Variants in SCFD2 observed in about 807,000 individuals in gnomAD.
SCFD2 encodes sec1 family domain containing 2, also known as sec1 family domain-containing protein 2.
SCFD2 carries 54 observed loss-of-function variants against 58.9 expected under a neutral mutation model. The ratio of observed to expected loss-of-function variants is 0.92; its 90% CI spans 0.74 to 1.15. The LOEUF (loss-of-function observed/expected upper bound fraction) is 1.15, where lower values mean the gene tolerates loss of function less well. Ranked by LOEUF, SCFD2 falls within the 50% of genes most tolerant of loss-of-function variation. The pLI, the probability that SCFD2 is intolerant of heterozygous loss-of-function variation, is 0.00. For missense variants in SCFD2, 805 were observed against 836.6 expected (o/e 0.96, Z 0.47); for synonymous variants, 321 against 335.9 (o/e 0.96, Z 0.49).
At chr4:53,146,093 TA>T (rs1425378866) in intron 4 of SCFD2, among the ~76,000 whole-genome samples, 5 of 152,204 alleles carry the variant, frequency 3.3e-5, no homozygotes, top group Admixed American at 2.6e-4. Context: ...CACTTTCTGC[TA>T]AATCTGATGA....
At chr4:52,879,092 G>A (rs1028835881) in intron 8 of SCFD2, among the ~76,000 whole-genome samples, 4 of 151,892 alleles carry the variant, frequency 2.6e-5, no homozygotes, top group Non-Finnish European at 4.4e-5. Context: ...ACTTTACTCC[G>A]ACCCATCAAC....
intron 5 of SCFD2, among the ~76,000 whole-genome samples, chr4:53,136,732 T>A (rs533116783): frequency 5.3e-5 from 8 of 152,050 alleles, no homozygotes; most frequent in Non-Finnish European, 8.8e-5. Flanking sequence ...CTACTAAGAG[T>A]CAGAGTCAAA....
At chr4:53,074,623 T>A (rs921191842) in intron 5 of SCFD2, among the ~76,000 whole-genome samples, 5 of 152,218 alleles carry the variant, frequency 3.3e-5, no homozygotes, top group Admixed American at 3.3e-4. Flanking sequence ...ACAGAATGGA[T>A]GCTGTGTTAG....
chr4:53,253,554 T>G (rs1015282839), intron 4 of SCFD2, among the ~76,000 whole-genome samples: 3 of 152,050 alleles, frequency 2.0e-5, no homozygotes, highest in South Asian at 2.1e-4. Context: ...GAATACTATG[T>G]AGCCATAAAA....
intron 5 of SCFD2, among the ~76,000 whole-genome samples, chr4:53,013,235 T>C (rs28404612): frequency 0.21 from 31,213 of 152,206 alleles, 6,158 homozygotes; most frequent in African/African-American, 0.51. Context: ...TCTCATCAAA[T>C]CATTAGCTGA....
chr4:53,258,572 A>ATATATG (rs1730729708), intron 4 of SCFD2, among the ~76,000 whole-genome samples: 1 of 142,936 alleles, frequency 7.0e-6, no homozygotes, highest in East Asian at 2.1e-4. Context: ...ATATATATAT[A>ATATATG]TATATACACA....
At chr4:53,015,944 C>A (rs73250923) in intron 5 of SCFD2, among the ~76,000 whole-genome samples, 12,401 of 152,150 alleles carry the variant, frequency 0.082, 610 homozygotes, top group Middle Eastern at 0.16. Context: ...GATGTTTGTC[C>A]TGTACAAAGT....
At chr4:53,153,658 G>C (rs1318658054) in intron 4 of SCFD2, among the ~76,000 whole-genome samples, 1 of 152,156 alleles carries the variant, frequency 6.6e-6, no homozygotes, top group Non-Finnish European at 1.5e-5. Context: ...GTAAGTTGTT[G>C]CTCCACAGTC....
rs1300651243 is a variant in SCFD2, at chr4:53,032,645, CA to C, written c.1562-111776del. Among the ~76,000 whole-genome samples, 22 of 151,718 alleles carry C rather than the reference CA, an allele frequency of 1.5e-4. No individual in the cohort carries two copies. The East Asian group carries it at 1.6e-3, about 11-fold the overall frequency. ...AACAAAAACAAAAACAAACAAAAAA[CA>C]AAAAACAGGGGTTGCAATCCTAATC... On this transcript the variant is annotated intron_variant, in intron 5 of 8. Transcript: ENST00000401642.
intron 5 of SCFD2, among the ~76,000 whole-genome samples, chr4:53,014,163 G>A (rs939436649): frequency 6.6e-6 from 1 of 152,222 alleles, no homozygotes; most frequent in African/African-American, 2.4e-5. Flanking sequence ...TGATGTGGAA[G>A]TGCAGAGTGC....
At chr4:53,250,424 T>A (rs895338181) in intron 4 of SCFD2, among the ~76,000 whole-genome samples, 4 of 152,262 alleles carry the variant, frequency 2.6e-5, no homozygotes, top group African/African-American at 9.6e-5. Flanking sequence ...TACCCAGGAA[T>A]TGAACTCAGC....
intron 8 of SCFD2, among the ~76,000 whole-genome samples, chr4:52,877,778 T>C (rs547546137): frequency 6.6e-6 from 1 of 152,270 alleles, no homozygotes. Flanking sequence ...TGACCCCAAG[T>C]GTGAATCTGA....
At chr4:53,223,814 C>T (rs1376983518) in intron 4 of SCFD2, among the ~76,000 whole-genome samples, 1 of 152,190 alleles carries the variant, frequency 6.6e-6, no homozygotes, top group Non-Finnish European at 1.5e-5. Flanking sequence ...ACAATGTTAA[C>T]TACTTTATGC....
intron 4 of SCFD2, among the ~76,000 whole-genome samples, chr4:53,155,841 A>G (rs994272852): frequency 5.9e-5 from 9 of 152,242 alleles, no homozygotes; most frequent in African/African-American, 1.9e-4. Flanking sequence ...CTGAGATCCC[A>G]GAGATTCTGT....
chr4:52,915,455 T>A (rs1245516238), intron 6 of SCFD2, among the ~76,000 whole-genome samples: 1 of 152,240 alleles, frequency 6.6e-6, no homozygotes, highest in African/African-American at 2.4e-5. Context: ...AAATTGCTCA[T>A]GGCTTTGACT....
intron 2 of SCFD2, among the ~76,000 whole-genome samples, chr4:53,323,768 T>C (rs745801848): frequency 3.4e-4 from 52 of 152,088 alleles, no homozygotes; most frequent in Non-Finnish European, 6.3e-4. Context: ...TGTGTGTGTA[T>C]GTGTGTGTAT....
At chr4:53,258,432 C>G (rs527458863) in intron 4 of SCFD2, among the ~76,000 whole-genome samples, 1 of 151,536 alleles carries the variant, frequency 6.6e-6, no homozygotes, top group Admixed American at 6.6e-5. Context: ...GTTTTCCATT[C>G]CTGAGTTACT....
chr4:53,244,305 G>A (rs1453494022), intron 4 of SCFD2, among the ~76,000 whole-genome samples: 1 of 151,980 alleles, frequency 6.6e-6, no homozygotes, highest in Non-Finnish European at 1.5e-5. Flanking sequence ...TCACCACATG[G>A]CACAAACTCT....
At chr4:52,876,783 A>C (rs1222038449) in intron 8 of SCFD2, among the ~76,000 whole-genome samples, 1 of 141,856 alleles carries the variant, frequency 7.0e-6, no homozygotes, top group East Asian at 2.1e-4. Context: ...AAAAAAAAAG[A>C]AGCCCTTCTT....
Sources: allele counts gnomAD v4.1 joint callset (sites outside exome capture counted in the v4.1 genomes callset), GRCh38; gene constraint gnomAD v4.1.1; transcripts MANE v1.5; gene names NCBI Gene and HGNC (gene_info 2026-07-23, HGNC 2026-07-21).